Variants in SYT7 observed in about 807,000 individuals in gnomAD.
SYT7 encodes the protein synaptotagmin-7.
Under a neutral mutation model 75.1 loss-of-function variants are expected in SYT7, and 29 were observed. The ratio of observed to expected loss-of-function variants is 0.39; its 90% CI spans 0.29 to 0.53. The LOEUF (loss-of-function observed/expected upper bound fraction) is 0.53, where lower values mean the gene tolerates loss of function less well. SYT7 is among the 20% of genes least tolerant of loss of function. SYT7 has a pLI of 0.77. For missense variants in SYT7, 693 were observed against 953.2 expected (o/e 0.73, Z 3.59); for synonymous variants, 376 against 401.7 (o/e 0.94, Z 0.76).
At chr11:61,583,527 C>T (rs984365984), upstream of SYT7, among the ~76,000 whole-genome samples, 9 of 152,274 alleles carry the variant, frequency 5.9e-5, no homozygotes, top group South Asian at 2.1e-4. Context: ...CTAAAGGCCC[C>T]GGAGCCAGCA....
In SYT7 at chr11:61,533,041, G is replaced by A; in HGVS notation, c.1148C>T (p.Pro383Leu). The change falls in exon 8 of 13, where the codon CCA becomes CTA. Residue 383 changes from proline (P) to leucine (L), a missense_variant. By Grantham distance (98) the Pro-to-Leu change is moderately conservative. Around this residue, in one of 2 missense-constraint regions of SYT7, gnomAD observed 487 missense variants for 593.2 expected, o/e 0.82. Transcript: ENST00000539008. The stretch of plus-strand genomic sequence containing the variant: ...GACGAGGTCTGAGACGGAGGAACGT[G>A]GCTCGGTCCGGCGGTCGGACTCATC... ...PHDESDRRTE[P>L]RSSVSDLVNS... 6.2e-7 allele frequency: 1 copy of A among 1,613,598 alleles called. No homozygotes were observed. The highest frequency in any genetic ancestry group is 2.2e-5 in the East Asian group (1 of 44,866).
chr11:61,543,894 C>G (rs2063115177), intron 5 of SYT7, among the ~76,000 whole-genome samples: 1 of 152,208 alleles, frequency 6.6e-6, no homozygotes, highest in Admixed American at 6.5e-5. Flanking sequence ...CATCTTGGAA[C>G]TTCAGGGGTT....
intron 7 of SYT7, among the ~76,000 whole-genome samples, chr11:61,533,912 G>A (rs561594291): frequency 6.6e-6 from 1 of 152,102 alleles, no homozygotes; most frequent in Non-Finnish European, 1.5e-5. Flanking sequence ...TGTGCATTTG[G>A]TAAGGCTCTC....
chr11:61,581,133 G>A (rs977586426), upstream of SYT7: 1 of 175,346 alleles, frequency 5.7e-6, no homozygotes, highest in Non-Finnish European at 1.1e-5. Flanking sequence ...GTGAGCGCGT[G>A]TGTGAGCGCG....
chr11:61,540,127 C>G (rs917438587), intron 6 of SYT7: 1 of 152,206 alleles, frequency 6.6e-6, no homozygotes, highest in African/African-American at 2.4e-5. Flanking sequence ...ATTCGTCACT[C>G]TCTCCAGCTC....
intron 7 of SYT7, among the ~76,000 whole-genome samples, chr11:61,534,872 G>A (rs1045247691): frequency 3.3e-5 from 5 of 152,200 alleles, no homozygotes; most frequent in Non-Finnish European, 7.3e-5. Context: ...GAGAGGACAC[G>A]TGCTCACACG....
chr11:61,575,913 C>T (rs1261160046), intron 1 of SYT7, among the ~76,000 whole-genome samples: 1 of 152,174 alleles, frequency 6.6e-6, no homozygotes, highest in Non-Finnish European at 1.5e-5. Flanking sequence ...CCCGTGGGCT[C>T]AATCACATGA....
chr11:61,525,748 A>G (rs2062495558), intron 9 of SYT7: 2 of 152,244 alleles, frequency 1.3e-5, no homozygotes, highest in African/African-American at 4.8e-5. Flanking sequence ...TAGGCACTCA[A>G]TACATATTTG....
At chr11:61,535,917 G>A (rs1339628474) in intron 7 of SYT7, among the ~76,000 whole-genome samples, 4 of 152,124 alleles carry the variant, frequency 2.6e-5, no homozygotes, top group Non-Finnish European at 5.9e-5. Flanking sequence ...AGGGACAGCC[G>A]CTCCAAGGCC....
chr11:61,556,588 C>G (rs2063507483), intron 1 of SYT7, among the ~76,000 whole-genome samples: 1 of 152,226 alleles, frequency 6.6e-6, no homozygotes, highest in Non-Finnish European at 1.5e-5. Context: ...GGCCACTGCT[C>G]CTGGATGGCC....
chr11:61,546,650 G>T lies in SYT7; in HGVS notation c.348-395C>A. ...GGACAACGAAGGGTTAACGACGGAG[G>T]AAGAGCGGGCTGTCCAGGCCAGGAG... On this transcript the variant is annotated intron_variant, in intron 4 of 12. Transcript: ENST00000539008. The surrounding 1 kb of genome is among the most constrained non-coding windows in gnomAD (Gnocchi z 7.6). The T allele has an allele frequency of 2.1e-6, 1 of 465,768 alleles. No homozygotes were observed. Among genetic ancestry groups the T allele is most frequent in the Non-Finnish European group, 4.3e-6 (1 of 233,682 alleles). The allele number at this position is 465,768 out of a possible 1,614,324, so 28.9% of individuals were successfully genotyped here.
chr11:61,518,649 T>G lies in SYT7; in HGVS notation c.2039A>C (p.Gln680Pro). The change falls in exon 13 of 13, where the codon CAG becomes CCG. Residue 680 changes from glutamine to proline, a missense_variant. Physicochemically the swap from Gln to Pro is moderately conservative, Grantham distance 76 (BLOSUM62 -1). Transcript: ENST00000539008. ...MIARPRQPVAQWHQLKA is the reference protein window; with the variant it reads ...MIARPRQPVAPWHQLKA Reference sequence around the variant, plus strand: ...CACTCAGGCCTTCAGCTGGTGCCACTGGGCCACGGGCTGCCGGGGACGGGC... The same window carrying G: ...CACTCAGGCCTTCAGCTGGTGCCACGGGGCCACGGGCTGCCGGGGACGGGC... 6.5e-7 allele frequency: 1 copy of G among 1,548,458 alleles called. No homozygotes were observed. Among genetic ancestry groups the G allele is most frequent in the Non-Finnish European group, 8.7e-7 (1 of 1,145,498 alleles).
At position 61,540,679 on chromosome 11, in the gene SYT7, CT is replaced by C. The variant is rs553829637; in HGVS notation, c.941+1531del. On this transcript the variant is annotated intron_variant, in intron 6 of 12. Transcript: ENST00000539008. ...TGGTACCCGGGTTCCTGGCAGGCCCCTGGCCCAGTTTAATGGCTGCTGGAAC... is the reference window on the plus strand; with the variant it reads ...TGGTACCCGGGTTCCTGGCAGGCCCCGGCCCAGTTTAATGGCTGCTGGAAC... 168 of 985,486 alleles carry C rather than the reference CT, an allele frequency of 1.7e-4. No individual in the cohort carries two copies. The Admixed American group carries it at 9.5e-3, about 55-fold the overall frequency. The allele number at this position is 985,486 out of a possible 1,614,324, so 61.0% of individuals were successfully genotyped here. A position where few individuals can be genotyped will look rare whatever the true frequency, so the allele number is the denominator to read the frequency against.
intron 2 of SYT7, among the ~76,000 whole-genome samples, chr11:61,555,874 A>G (rs2063488675): frequency 6.6e-6 from 1 of 152,200 alleles, no homozygotes; most frequent in African/African-American, 2.4e-5. Context: ...CTTTGGGTAT[A>G]TAAACAGAAG....
Position 61,556,092 on chromosome 11 carries a change from C to T in SYT7, c.135+12G>A, listed in dbSNP as rs758335564. On this transcript the variant is annotated intron_variant, in intron 2 of 12. Coordinates refer to ENST00000539008, the MANE Select transcript of SYT7 (RefSeq NM_001365809.2). ...TAGGCACCACCCTCCAAGGGGCCCTCAGGAGCCTCACCAGTTTGCGCTGAC... is the reference window on the plus strand; with the variant it reads ...TAGGCACCACCCTCCAAGGGGCCCTTAGGAGCCTCACCAGTTTGCGCTGAC... 1.9e-6 allele frequency: 3 copies of T among 1,611,738 alleles called. No individual in the cohort carries two copies. In the South Asian group the frequency reaches 3.3e-5, roughly 18 times the overall value.
In SYT7 at chr11:61,580,405, C is replaced by T. The variant is rs892375311; in HGVS notation, c.31+385G>A. Among the ~76,000 whole-genome samples the T allele has an allele frequency of 6.6e-6, 1 of 152,058 alleles. No individual in the cohort carries two copies. The highest frequency in any genetic ancestry group is 1.5e-5 in the Non-Finnish European group (1 of 67,980). ...CTGCCGGGATCCTCGCCCTGGGGTCCGCCAGCGCTGGCACCCCCGGGGCAC... is the reference window on the plus strand; with the variant it reads ...CTGCCGGGATCCTCGCCCTGGGGTCTGCCAGCGCTGGCACCCCCGGGGCAC... On this transcript the variant is annotated intron_variant, in intron 1 of 12. Coordinates refer to ENST00000539008, the MANE Select transcript of SYT7 (RefSeq NM_001365809.2). The surrounding 1 kb of genome is among the most constrained non-coding windows in gnomAD (Gnocchi z 6.1).
the SYT7 span, among the ~76,000 whole-genome samples, chr11:61,587,743 T>C: frequency 6.6e-6 from 1 of 152,064 alleles, no homozygotes; most frequent in Non-Finnish European, 1.5e-5. Context: ...GCCCCCAACA[T>C]TGAAGTCTTT....
In SYT7 at chr11:61,580,710, G is replaced by A. The variant is rs2064236958; in HGVS notation, c.31+80C>T. On this transcript the variant is annotated intron_variant, in intron 1 of 12. Transcript: ENST00000539008. The surrounding 1 kb of genome is among the most constrained non-coding windows in gnomAD (Gnocchi z 6.1). ...CCGGGCGGACAACAGCCCCAGGCTG[G>A]GGCTCCGAGACGGCGTCCGGCGCTG... 5 of 993,154 alleles carry A rather than the reference G, an allele frequency of 5.0e-6. No homozygotes were observed. The South Asian group carries it at 2.3e-4, about 46-fold the overall frequency. The allele number at this position is 993,154 out of a possible 1,614,324, so 61.5% of individuals were successfully genotyped here. A position where few individuals can be genotyped will look rare whatever the true frequency, so the allele number is the denominator to read the frequency against.
chr11:61,535,571 C>T (rs148029861), intron 7 of SYT7, among the ~76,000 whole-genome samples: 6 of 152,104 alleles, frequency 3.9e-5, no homozygotes, highest in Non-Finnish European at 7.4e-5. Flanking sequence ...AGTGTGGTGC[C>T]GAGGCCCAGG....
Sources: allele counts gnomAD v4.1 joint callset (sites outside exome capture counted in the v4.1 genomes callset), GRCh38; gene constraint gnomAD v4.1.1; regional missense constraint gnomAD v4.1.1; non-coding constraint Gnocchi (gnomAD v3.1); transcripts MANE v1.5; gene names NCBI Gene and HGNC (gene_info 2026-07-23, HGNC 2026-07-21).